The following MTUS2 variants were observed in gnomAD, a reference collection of about 807,000 sequenced individuals.
MTUS2 encodes the protein microtubule associated scaffold protein 2, also known as microtubule-associated tumor suppressor candidate 2.
MTUS2 carries 40 observed loss-of-function variants against 114.1 expected under a neutral mutation model. The observed-to-expected ratio is 0.35, with a 90% CI of 0.27 to 0.46. MTUS2 has a LOEUF of 0.46. MTUS2 is among the 20% of genes least tolerant of loss of function. MTUS2 has a pLI of 1.00. For missense variants in MTUS2, 1,679 were observed against 1,705.4 expected, an observed-to-expected ratio of 0.98 and a Z score of 0.27; for synonymous variants, 688 against 672.0, an observed-to-expected ratio of 1.02 and a Z score of -0.37.
chr13:28,841,101 T>A (rs1875449779), intron 2 of MTUS2, among the ~76,000 whole-genome samples: 1 of 148,660 alleles, frequency 6.7e-6, no homozygotes, highest in Non-Finnish European at 1.5e-5. Context: ...TAAAAGAGAT[T>A]TGCTTTCAGA....
rs191028423 is a variant in MTUS2, at chr13:29,148,729, C to A, written c.2644+47759C>A. Reference sequence around the variant, plus strand: ...TCCTGACCTCGTGATCCGCCCGCCTCGGCCTCCCAAAGTGCTGGGATTACA... The same window carrying A: ...TCCTGACCTCGTGATCCGCCCGCCTAGGCCTCCCAAAGTGCTGGGATTACA... On this transcript the variant is annotated intron_variant, in intron 5 of 15. Transcript: ENST00000612955. 1.9e-3 allele frequency among the ~76,000 whole-genome samples: 125 copies of A among 66,470 alleles called. 22 individuals are homozygous for A. The highest frequency in any genetic ancestry group is 2.7e-3 in the African/African-American group (86 of 31,646). The allele number at this position is 66,470 out of a possible 152,430, so 43.6% of individuals were successfully genotyped here. A position where few individuals can be genotyped will look rare whatever the true frequency, so the allele number is the denominator to read the frequency against.
Position 29,353,601 on chromosome 13 carries a change from C to G in MTUS2, c.2906-5661C>G, listed in dbSNP as rs7335318. Among the ~76,000 whole-genome samples the G allele has an allele frequency of 8.5e-5, 13 of 152,248 alleles. 1 individual carries two copies. The highest frequency in any genetic ancestry group is 8.5e-4 in the Admixed American group (13 of 15,282). On this transcript the variant is annotated intron_variant, in intron 7 of 15. Transcript: ENST00000612955. ...CAGGCATGAGCCACCATGTCTAGCC[C>G]CCATAGTATTCTTAAGCTTTTTTCT...
intron 5 of MTUS2, among the ~76,000 whole-genome samples, chr13:29,241,904 G>T (rs1896748688): frequency 6.6e-6 from 1 of 152,132 alleles, no homozygotes; most frequent in Admixed American, 6.5e-5. Flanking sequence ...TGAGAGGTGT[G>T]CTGTAGTTAG....
chr13:29,092,409 G>A (rs187854438), intron 4 of MTUS2, among the ~76,000 whole-genome samples: 11 of 152,220 alleles, frequency 7.2e-5, no homozygotes, highest in African/African-American at 2.4e-4. Flanking sequence ...ACCCAGCCAC[G>A]CTGGGTGGGT....
At chr13:28,825,857 G>C (rs1874233830) in intron 1 of MTUS2, among the ~76,000 whole-genome samples, 1 of 152,190 alleles carries the variant, frequency 6.6e-6, no homozygotes, top group African/African-American at 2.4e-5. Context: ...ACAGCAGCTT[G>C]AGTGAGCATA....
chr13:29,204,762 A>T (rs1895112054), intron 5 of MTUS2, among the ~76,000 whole-genome samples: 1 of 152,162 alleles, frequency 6.6e-6, no homozygotes, highest in South Asian at 2.1e-4. Flanking sequence ...GAAGTTTCCG[A>T]AGTCTGCAGC....
chr13:29,049,536 G>A (rs914939511), intron 4 of MTUS2, among the ~76,000 whole-genome samples: 4 of 152,194 alleles, frequency 2.6e-5, no homozygotes, highest in African/African-American at 9.7e-5. Context: ...CTCCTCTCTC[G>A]TTCCAAAACC....
In MTUS2 at chr13:29,026,419, C is replaced by T; in HGVS notation, c.1721C>T (p.Pro574Leu). The T allele has an allele frequency of 1.2e-6, 2 of 1,613,926 alleles. No homozygotes were observed. Among genetic ancestry groups the T allele is most frequent in the Non-Finnish European group, 1.7e-6 (2 of 1,179,852 alleles). Residue 574 changes from proline to leucine, a missense_variant, in exon 3 of 16, where the codon CCT becomes CTT. This residue lies in a region of MTUS2 where 843 missense variants were observed against 770.8 expected (regional missense o/e 1.09). Coordinates refer to ENST00000612955, the MANE Select transcript of MTUS2 (RefSeq NM_001033602.4). ...GGGTCCCCCTTGGTAGTTCCACCCC[C>T]TACTGATAGTGCACGCTTGTTGAAC... ...DAGSPLVVPP[P>L]TDSARLLNTS...
intron 15 of MTUS2, among the ~76,000 whole-genome samples, chr13:29,501,901 AC>A (rs1882938883): frequency 6.6e-6 from 1 of 152,292 alleles, no homozygotes; most frequent in Non-Finnish European, 1.5e-5. Context: ...TCATACACTT[AC>A]GCACACACTC....
chr13:29,018,691 C>T (rs945416813), intron 2 of MTUS2, among the ~76,000 whole-genome samples: 3 of 151,672 alleles, frequency 2.0e-5, no homozygotes, highest in African/African-American at 7.3e-5. Context: ...GCCCAGGAAG[C>T]GGAGGTTACA....
At chr13:28,823,238 AC>A (rs1325497779) in intron 1 of MTUS2, among the ~76,000 whole-genome samples, 1 of 152,258 alleles carries the variant, frequency 6.6e-6, no homozygotes. Flanking sequence ...CAGTAAGCAA[AC>A]AAACTCATTC....
intron 2 of MTUS2, among the ~76,000 whole-genome samples, chr13:28,869,933 T>C (rs2138096813): frequency 6.6e-6 from 1 of 152,238 alleles, no homozygotes; most frequent in East Asian, 1.9e-4. Flanking sequence ...TCTTAATTTC[T>C]TTCTTTTTTG....
intron 5 of MTUS2, among the ~76,000 whole-genome samples, chr13:29,186,355 G>A (rs34590752): frequency 0.74 from 112,544 of 152,188 alleles, 41,718 homozygotes; most frequent in East Asian, 0.8. Flanking sequence ...TGATCCAACT[G>A]TATGCTATCT....
At chr13:29,456,908 C>T (rs984110686) in intron 9 of MTUS2, among the ~76,000 whole-genome samples, 8 of 151,976 alleles carry the variant, frequency 5.3e-5, no homozygotes, top group East Asian at 3.9e-4. Context: ...GAGGCTGAGG[C>T]GGGCGAATCA....
At chr13:29,442,349 G>A (rs538379196) in intron 9 of MTUS2, among the ~76,000 whole-genome samples, 26 of 152,242 alleles carry the variant, frequency 1.7e-4, no homozygotes, top group Non-Finnish European at 2.8e-4. Context: ...CTTTGTGGCC[G>A]TTTGAAAAAC....
intron 1 of MTUS2, among the ~76,000 whole-genome samples, chr13:28,837,592 C>G (rs1322778169): frequency 2.6e-5 from 4 of 152,108 alleles, no homozygotes; most frequent in Non-Finnish European, 5.9e-5. Context: ...TTAGCCAGTA[C>G]TCCTTAATTT....
intron 3 of MTUS2, among the ~76,000 whole-genome samples, chr13:29,028,456 G>T (rs1886665028): frequency 6.6e-6 from 1 of 152,016 alleles, no homozygotes. Flanking sequence ...CCTTTAGGAT[G>T]GGATGTGCTC....
At chr13:29,216,448 G>A (rs368056985) in intron 5 of MTUS2, among the ~76,000 whole-genome samples, 3 of 152,166 alleles carry the variant, frequency 2.0e-5, no homozygotes, top group South Asian at 2.1e-4. Flanking sequence ...CAGCTAGCTC[G>A]GTGTCTTCCC....
chr13:28,879,348 A>G (rs1211070795), intron 2 of MTUS2, among the ~76,000 whole-genome samples: 3 of 152,126 alleles, frequency 2.0e-5, no homozygotes, highest in Non-Finnish European at 4.4e-5. Context: ...CTCAAGTGAG[A>G]ATGACCTTTT....
Sources: gnomAD v4.1 joint callset for allele counts (sites outside exome capture counted in the v4.1 genomes callset) on GRCh38, gnomAD v4.1.1 for gene constraint, gnomAD v4.1.1 regional missense constraint, MANE v1.5 for transcripts, NCBI Gene and HGNC (gene_info 2026-07-23, HGNC 2026-07-21) for gene names.